The following FOXP4 variants were observed in gnomAD, a reference collection of about 807,000 sequenced individuals.
FOXP4 encodes the protein forkhead box P4.
FOXP4 carries 25 observed loss-of-function variants against 82.6 expected under a neutral mutation model. The ratio of observed to expected loss-of-function variants is 0.30; its 90% confidence interval spans 0.22 to 0.42. The LOEUF (loss-of-function observed/expected upper bound fraction) is 0.42. Ranked by LOEUF, FOXP4 falls within the 10% of genes least tolerant of loss-of-function variation. FOXP4 has a pLI of 1.00. For missense variants in FOXP4, 785 were observed against 900.9 expected, an observed-to-expected ratio of 0.87 and a Z score of 1.65; for synonymous variants, 415 against 388.2, an observed-to-expected ratio of 1.07 and a Z score of -0.81.
At chr6:41,589,500 A>G (rs556583712) in intron 9 of FOXP4, among the ~76,000 whole-genome samples, 32 of 152,202 alleles carry the variant, frequency 2.1e-4, no homozygotes, top group Non-Finnish European at 4.1e-4. Flanking sequence ...AGGCAGGGAT[A>G]AGCTCCAGCC....
intron 5 of FOXP4, among the ~76,000 whole-genome samples, 179 bp downstream of exon 5, chr6:41,585,696 C>A (rs544142851): frequency 6.6e-6 from 1 of 152,226 alleles, no homozygotes; most frequent in Admixed American, 6.5e-5. Context: ...GTGTCTCCAT[C>A]TCCCCTCATC....
At chr6:41,575,369 G>C (rs1038198191) in intron 2 of FOXP4, among the ~76,000 whole-genome samples, 15 of 152,136 alleles carry the variant, frequency 9.9e-5, no homozygotes, top group African/African-American at 3.6e-4. Context: ...CCCCTAGCCT[G>C]GTCCCTGGCA....
chr6:41,551,953 A>T (rs913652832), intron 1 of FOXP4, among the ~76,000 whole-genome samples: 3 of 152,146 alleles, frequency 2.0e-5, no homozygotes, highest in African/African-American at 7.2e-5. Flanking sequence ...CAAGGGCCGG[A>T]GCACAGATCT....
chr6:41,595,172 G>A lies in FOXP4; in HGVS notation c.1658+181G>A, dbSNP rs116187388. 2.4e-3 allele frequency among the ~76,000 whole-genome samples: 365 copies of A among 152,330 alleles called. 2 individuals carry two copies. The highest frequency in any genetic ancestry group is 8.4e-3 in the African/African-American group (351 of 41,574). ...GGGGACAGGGGGCTGGAATCCGGAA[G>A]TGATGGATAATCAGAAGGCAGACAT... On this transcript the variant is annotated intron_variant, in intron 14 of 16. Coordinates refer to ENST00000307972, the MANE Select transcript of FOXP4 (RefSeq NM_001012426.2).
At chr6:41,597,648 A>G in intron 15 of FOXP4, 133 bp from the exon 16 acceptor site, 1 of 1,181,274 alleles carries the variant, frequency 8.5e-7, no homozygotes, top group Non-Finnish European at 1.2e-6. Context: ...GGGGTTGCCC[A>G]GACAGATCCG....
chr6:41,564,433 A>C lies in FOXP4; in HGVS notation c.-16-1312A>C, dbSNP rs140593449. On this transcript the variant is annotated intron_variant, in intron 1 of 16. Coordinates refer to ENST00000307972, the MANE Select transcript of FOXP4 (RefSeq NM_001012426.2). The stretch of plus-strand genomic sequence containing the variant: ...GACTCTGTCTCAAAAAGATAAAATG[A>C]ATAAATTAATTAAATTAAATTTTAA... 2.4e-3 allele frequency among the ~76,000 whole-genome samples: 367 copies of C among 152,326 alleles called. 1 individual carries two copies. The highest frequency in any genetic ancestry group is 8.5e-3 in the African/African-American group (354 of 41,566).
chr6:41,574,476 T>C (rs9381082), intron 2 of FOXP4, among the ~76,000 whole-genome samples: 53,314 of 152,102 alleles, frequency 0.35, 9,935 homozygotes, highest in African/African-American at 0.48. Flanking sequence ...AGCTGTTAAG[T>C]TTAGTGTCAG....
intron 1 of FOXP4, among the ~76,000 whole-genome samples, chr6:41,563,379 G>T (rs1434390340): frequency 1.3e-5 from 2 of 152,208 alleles, no homozygotes; most frequent in Non-Finnish European, 2.9e-5. Flanking sequence ...GCTTTGGGGA[G>T]CTGCTGCCTT....
At chr6:41,547,713 G>A (rs1212866942) in intron 1 of FOXP4, among the ~76,000 whole-genome samples, 1 of 152,066 alleles carries the variant, frequency 6.6e-6, no homozygotes, top group Non-Finnish European at 1.5e-5. Context: ...CTTAAGGGGG[G>A]AAGAGAGGGC....
intron 14 of FOXP4, among the ~76,000 whole-genome samples, chr6:41,595,728 G>A (rs998039616): frequency 2.6e-5 from 4 of 151,884 alleles, no homozygotes; most frequent in Non-Finnish European, 4.4e-5. Context: ...CCAGCCTTTC[G>A]GGTAGCTAGA....
chr6:41,587,269 C>T, intron 6 of FOXP4, 30 bp from the exon 7 acceptor site: 1 of 1,609,952 alleles, frequency 6.2e-7, no homozygotes, highest in East Asian at 2.2e-5. Context: ...GTTCGTGGGG[C>T]CCTGCCAGCC....
rs1044000870 is a variant in FOXP4 at position 41,587,603 on chromosome 6, G to C, written c.872+91G>C. On this transcript the variant is annotated intron_variant, in intron 7 of 16. Coordinates refer to ENST00000307972, the MANE Select transcript of FOXP4 (RefSeq NM_001012426.2). ...ATGAGGGCTGACTGTGAGGGAGGGG[G>C]TGGAGCCCACGGACCGGAGGTTCAC... 5.1e-6 allele frequency: 6 copies of C among 1,174,250 alleles called. No homozygotes were observed. The African/African-American group carries it at 9.3e-5, about 18-fold the overall frequency. 72.7% of individuals were successfully genotyped at this position (1,174,250 alleles called of 1,614,324 possible).
chr6:41,559,015 ACCCTT>A (rs1344216772), intron 1 of FOXP4, among the ~76,000 whole-genome samples: 9 of 152,066 alleles, frequency 5.9e-5, no homozygotes, highest in African/African-American at 2.2e-4. Flanking sequence ...GAAACCGACG[ACCCTT>A]CTTTTGTAAA....
In FOXP4 at chr6:41,593,787, G is replaced by A. The variant is rs185327785; in HGVS notation, c.1537-1083G>A. 1.7e-4 allele frequency among the ~76,000 whole-genome samples: 26 copies of A among 152,258 alleles called. No homozygotes were observed. The highest frequency in any genetic ancestry group is 1.2e-3 in the Admixed American group (18 of 15,296). On this transcript the variant is annotated intron_variant, in intron 13 of 16. Transcript: ENST00000307972. The surrounding 1 kb of genome is among the most constrained non-coding windows in gnomAD (Gnocchi z 4.1). ...GCAAATTAAAATTGGTAATGAAATC[G>A]GGCCAGTTGCAAGTGGCAAGAGTTG...
At chr6:41,557,301 T>G (rs1764329890) in intron 1 of FOXP4, among the ~76,000 whole-genome samples, 1 of 152,212 alleles carries the variant, frequency 6.6e-6, no homozygotes, top group East Asian at 1.9e-4. Flanking sequence ...AAAGAAGAAC[T>G]GGGCAAAATT....
chr6:41,582,550 T>C (rs1220851280), intron 3 of FOXP4, among the ~76,000 whole-genome samples: 1 of 152,230 alleles, frequency 6.6e-6, no homozygotes, highest in African/African-American at 2.4e-5. Context: ...CCTCTCTTTG[T>C]TGGGCACCCC....
intron 4 of FOXP4, 112 bp from the exon 5 acceptor site, chr6:41,585,319 C>T (rs72858995): frequency 0.071 from 78,703 of 1,106,250 alleles, 3,143 homozygotes; most frequent in Non-Finnish European, 0.076. Flanking sequence ...GAAAGCCAGA[C>T]CATGTTTTAG....
chr6:41,596,917 C>T (rs537697254), intron 14 of FOXP4, among the ~76,000 whole-genome samples: 2 of 152,260 alleles, frequency 1.3e-5, no homozygotes, highest in South Asian at 4.1e-4. Context: ...TTCCCAGCTC[C>T]GAGACCTGGA....
intron 1 of FOXP4, among the ~76,000 whole-genome samples, chr6:41,554,068 C>T (rs183878316): frequency 2.1e-3 from 313 of 152,258 alleles, no homozygotes; most frequent in African/African-American, 6.7e-3. Context: ...TGTGCTTTGC[C>T]GTTTCACATA....
Sources: gnomAD v4.1 joint callset for allele counts (sites outside exome capture counted in the v4.1 genomes callset) on GRCh38, gnomAD v4.1.1 for gene constraint, Gnocchi (gnomAD v3.1) non-coding constraint, MANE v1.5 for transcripts, NCBI Gene and HGNC (gene_info 2026-07-23, HGNC 2026-07-21) for gene names.